MAPKAP1: variants seen among roughly 807,000 people sequenced by gnomAD.
The protein encoded by MAPKAP1 is MAPK associated protein 1.
Under a neutral mutation model 65.7 loss-of-function variants are expected in MAPKAP1, and 20 were observed. The observed-to-expected ratio is 0.30, with a 90% CI of 0.21 to 0.44. The LOEUF is 0.44. MAPKAP1 is among the 20% of genes least tolerant of loss of function. The probability of loss-of-function intolerance (pLI) is 1.00; values close to 1 mark genes in which losing one functional copy is unlikely to be tolerated. For missense variants in MAPKAP1, 423 were observed against 648.0 expected (o/e 0.65, Z 3.77); for synonymous variants, 222 against 244.3 (o/e 0.91, Z 0.85).
rs749642700 is a variant in MAPKAP1 at position 125,506,314 on chromosome 9, C to G, written c.1062G>C (p.Glu354Asp). The G allele has an allele frequency of 6.2e-7, 1 of 1,613,936 alleles. No individual in the cohort carries two copies. The highest frequency in any genetic ancestry group is 8.5e-7 in the Non-Finnish European group (1 of 1,179,908). ...QSAWEFCLVR[E>D]NSSRADGVFE... The stretch of plus-strand genomic sequence containing the variant: ...GGAGCGAGGCGGCCAACGTACTGTT[C>G]TCGCGGACCAGGCAGAACTCCCATG... The change falls in exon 8 of 12, where the codon GAG (glutamate) becomes GAC (aspartate). Residue 354 changes from glutamate (E) to aspartate (D), a missense_variant. By Grantham distance (45) the Glu-to-Asp change is conservative (BLOSUM62 2). Coordinates refer to ENST00000265960, the MANE Select transcript of MAPKAP1 (RefSeq NM_001006617.3).
At chr9:125,686,284 C>T (rs948186260) in intron 1 of MAPKAP1, among the ~76,000 whole-genome samples, 1 of 148,284 alleles carries the variant, frequency 6.7e-6, no homozygotes, top group African/African-American at 2.5e-5. Flanking sequence ...TGCACTCCAG[C>T]CCGGGCAAAA....
chr9:125,698,807 C>G (rs192588631), intron 1 of MAPKAP1, among the ~76,000 whole-genome samples: 7 of 152,240 alleles, frequency 4.6e-5, no homozygotes, highest in Admixed American at 1.3e-4. Context: ...TGTTACTCAG[C>G]AGATCAATTC....
chr9:125,534,315 A>T (rs1830013905), intron 7 of MAPKAP1, among the ~76,000 whole-genome samples: 1 of 152,162 alleles, frequency 6.6e-6, no homozygotes, highest in Non-Finnish European at 1.5e-5. Context: ...ACACATCTCT[A>T]AAATGTTTGC....
intron 4 of MAPKAP1, among the ~76,000 whole-genome samples, chr9:125,655,160 A>T (rs897610082): frequency 2.6e-5 from 4 of 152,194 alleles, no homozygotes; most frequent in African/African-American, 9.7e-5. Context: ...CTTACATTTG[A>T]GGCTAAAAGC....
intron 4 of MAPKAP1, among the ~76,000 whole-genome samples, chr9:125,605,619 T>C (rs997036526): frequency 7.2e-5 from 11 of 152,258 alleles, no homozygotes; most frequent in Middle Eastern, 3.4e-3. Context: ...TCGGAACCCA[T>C]TGTCACAGGC....
chr9:125,579,936 C>A (rs993594721), intron 5 of MAPKAP1, among the ~76,000 whole-genome samples: 3 of 152,076 alleles, frequency 2.0e-5, no homozygotes, highest in Non-Finnish European at 4.4e-5. Context: ...AAATATGGAA[C>A]AACTATTTAA....
chr9:125,640,709 G>A (rs767598101), intron 4 of MAPKAP1, among the ~76,000 whole-genome samples: 3 of 152,172 alleles, frequency 2.0e-5, no homozygotes, highest in Non-Finnish European at 4.4e-5. Context: ...GTAAGATGAT[G>A]CAGTCAAAGT....
chr9:125,465,400 T>C (rs1248691514), intron 10 of MAPKAP1, among the ~76,000 whole-genome samples: 1 of 152,202 alleles, frequency 6.6e-6, no homozygotes, highest in Admixed American at 6.5e-5. Context: ...CATTAATCCT[T>C]TAAATAATAA....
intron 8 of MAPKAP1, among the ~76,000 whole-genome samples, chr9:125,489,190 A>G (rs895349927): frequency 6.6e-6 from 1 of 152,226 alleles, no homozygotes; most frequent in Admixed American, 6.5e-5. Context: ...GAAAAAACAA[A>G]AACTACTCCC....
At position 125,630,177 on chromosome 9, in the gene MAPKAP1, G is replaced by C. The variant is rs148165435; in HGVS notation, c.498+27474C>G. Among the ~76,000 whole-genome samples the C allele has an allele frequency of 2.4e-4, 37 of 152,296 alleles. No homozygotes were observed. The East Asian group carries it at 5.2e-3, about 21-fold the overall frequency. On this transcript the variant is annotated intron_variant, in intron 4 of 11. Coordinates refer to ENST00000265960, the MANE Select transcript of MAPKAP1 (RefSeq NM_001006617.3). ...CTCTCGCTCGGTCACCCAGGCTGGA[G>C]TGCAGTGGCATAATCACAGCTCACC...
Position 125,438,122 on chromosome 9 carries a change from C to T in MAPKAP1, c.*765G>A, listed in dbSNP as rs1445459364. 2 of 377,014 alleles carry T rather than the reference C, an allele frequency of 5.3e-6. No homozygotes were observed. Among genetic ancestry groups the T allele is most frequent in the Admixed American group, 4.5e-5 (1 of 22,024 alleles). The allele number at this position is 377,014 out of a possible 1,614,324, so 23.4% of individuals were successfully genotyped here. ...GAAAGACCATGTCTGGCTGGGAGTG[C>T]AGCGTGCCTGAGGACCAGCCACCGC... On this transcript the variant is annotated 3_prime_UTR_variant, in exon 12 of 12. Transcript: ENST00000265960.
At chr9:125,558,393 G>A (rs778430926) in intron 6 of MAPKAP1, among the ~76,000 whole-genome samples, 1 of 152,124 alleles carries the variant, frequency 6.6e-6, no homozygotes, top group Non-Finnish European at 1.5e-5. Flanking sequence ...CCTTGTAGTA[G>A]GGATGAAACG....
At chr9:125,640,445 C>T (rs1833545116) in intron 4 of MAPKAP1, among the ~76,000 whole-genome samples, 1 of 152,016 alleles carries the variant, frequency 6.6e-6, no homozygotes, top group African/African-American at 2.4e-5. Context: ...CCTTGAGGGA[C>T]AGGGATTACC....
chr9:125,476,978 G>T (rs1183904613), intron 9 of MAPKAP1, among the ~76,000 whole-genome samples: 1 of 152,150 alleles, frequency 6.6e-6, no homozygotes, highest in African/African-American at 2.4e-5. Context: ...CTGATGAGAC[G>T]AAACCTTTTT....
At chr9:125,450,800 G>A (rs1455495517) in intron 10 of MAPKAP1, among the ~76,000 whole-genome samples, 1 of 152,200 alleles carries the variant, frequency 6.6e-6, no homozygotes, top group Non-Finnish European at 1.5e-5. Flanking sequence ...AGGCAAAGCT[G>A]TATCTTTCTG....
chr9:125,597,125 C>G (rs973715937), intron 4 of MAPKAP1, among the ~76,000 whole-genome samples: 3 of 151,578 alleles, frequency 2.0e-5, no homozygotes, highest in African/African-American at 7.3e-5. Flanking sequence ...ATTAGCCGGG[C>G]GTGGTGGTGG....
chr9:125,674,402 A>G (rs1036770901), intron 1 of MAPKAP1, among the ~76,000 whole-genome samples: 1 of 152,284 alleles, frequency 6.6e-6, no homozygotes, highest in African/African-American at 2.4e-5. Flanking sequence ...GATAGAGGAC[A>G]CTGCAAGTCA....
At chr9:125,609,534 A>G (rs1394810778) in intron 4 of MAPKAP1, among the ~76,000 whole-genome samples, 1 of 152,134 alleles carries the variant, frequency 6.6e-6, no homozygotes, top group Non-Finnish European at 1.5e-5. Flanking sequence ...TGTCTTTAAG[A>G]AAGAGTCTCA....
chr9:125,705,504 A>C (rs1193164246), intron 1 of MAPKAP1, among the ~76,000 whole-genome samples: 1 of 152,170 alleles, frequency 6.6e-6, no homozygotes, highest in Non-Finnish European at 1.5e-5. Context: ...TGTACTTATC[A>C]CGGTGTTAGA....
Sources: gnomAD v4.1 joint callset for allele counts (sites outside exome capture counted in the v4.1 genomes callset) on GRCh38, gnomAD v4.1.1 for gene constraint, MANE v1.5 for transcripts, NCBI Gene and HGNC (gene_info 2026-07-23, HGNC 2026-07-21) for gene names.